The following MASTL variants were observed in gnomAD, a reference collection of about 807,000 sequenced individuals.
MASTL encodes the protein serine/threonine-protein kinase greatwall.
MASTL carries 54 observed loss-of-function variants against 82.5 expected under a neutral mutation model. That is an observed-to-expected ratio of 0.65 (90% CI 0.53 to 0.82). MASTL has a LOEUF of 0.82. MASTL is among the 40% of genes least tolerant of loss of function. The probability of loss-of-function intolerance (pLI) is 0.00; values close to 1 mark genes in which losing one functional copy is unlikely to be tolerated. For missense variants in MASTL, 950 were observed against 1,047.8 expected (o/e 0.91, Z 1.29); for synonymous variants, 323 against 368.9 (o/e 0.88, Z 1.43).
intron 5 of MASTL, 60 bp downstream of exon 5, chr10:27,165,230 TA>T: frequency 7.1e-7 from 1 of 1,411,456 alleles, no homozygotes; most frequent in Non-Finnish European, 1.0e-6. Flanking sequence ...ACTTAAAATT[TA>T]AAATCACCTT....
Position 27,173,169 on chromosome 10 carries a change from G to T in MASTL, c.2176G>T (p.Val726Leu), listed in dbSNP as rs1180268491. 1 of 1,614,210 alleles carries T rather than the reference G, an allele frequency of 6.2e-7. No homozygotes were observed. The highest frequency in any genetic ancestry group is 1.7e-5 in the Admixed American group (1 of 60,022). The change falls in exon 9 of 12, where the codon GTG (valine) becomes TTG (leucine). Residue 726 changes from valine to leucine, a missense_variant. Physicochemically the swap from Val to Leu is conservative, Grantham distance 32 (BLOSUM62 1). Transcript: ENST00000375940. Reference sequence around the variant, plus strand: ...AACTCCATACCGAACTCCGAAGAGTGTGAGAAGAGGGGTGGCCCCCGTTGA... The same window carrying T: ...AACTCCATACCGAACTCCGAAGAGTTTGAGAAGAGGGGTGGCCCCCGTTGA... The part of the protein sequence containing the change: ...SGTPYRTPKS[V>L]RRGVAPVDDG...
rs753184095 is a variant in MASTL at position 27,161,086 on chromosome 10, G to A, written c.465-8G>A. The A allele has an allele frequency of 3.8e-6, 6 of 1,590,410 alleles. No homozygotes were observed. The highest frequency in any genetic ancestry group is 4.3e-6 in the Non-Finnish European group (5 of 1,158,694). ...TGGTTATCTAATATTTGCCTTTTGT[G>A]TGTGCAGGGACTTGAAACCGGACAA... On this transcript the variant is annotated splice_polypyrimidine_tract_variant and splice_region_variant and intron_variant, in intron 3 of 11. Transcript: ENST00000375940.
intron 3 of MASTL, among the ~76,000 whole-genome samples, chr10:27,160,771 A>G (rs571654315): frequency 2.0e-5 from 3 of 152,226 alleles, no homozygotes; most frequent in African/African-American, 7.2e-5. Flanking sequence ...AAGAAAAGAA[A>G]AAAAAGAAAG....
chr10:27,178,888 A>C (rs147054832), intron 9 of MASTL, among the ~76,000 whole-genome samples: 2 of 152,302 alleles, frequency 1.3e-5, no homozygotes, highest in Non-Finnish European at 2.9e-5. Flanking sequence ...AGTATTATAG[A>C]AATAGAAGCC....
rs1466754022 is a variant in MASTL, at chr10:27,173,277, T to G, written c.2266+18T>G. 5.0e-6 allele frequency: 8 copies of G among 1,613,902 alleles called. No homozygotes were observed. Among genetic ancestry groups the G allele is most frequent in the Non-Finnish European group, 6.8e-6 (8 of 1,179,946 alleles). The stretch of plus-strand genomic sequence containing the variant: ...GGCCCATGGTAAGGCATGCATGTCT[T>G]GAGTTTTTGAAGTGTTATCTATCAC... On this transcript the variant is annotated intron_variant, in intron 9 of 11. Transcript: ENST00000375940.
upstream of MASTL, chr10:27,154,976 G>C (rs1053752148): frequency 1.2e-5 from 2 of 173,422 alleles, no homozygotes; most frequent in African/African-American, 4.8e-5. Flanking sequence ...TTAGCTTCCA[G>C]ACCTCAGCCC....
chr10:27,155,262 C>A, upstream of MASTL: 1 of 688,412 alleles, frequency 1.5e-6, no homozygotes, highest in Non-Finnish European at 2.4e-6. Context: ...CCCGACGCCC[C>A]CTCCGTCCGC....
In MASTL at chr10:27,155,365, T is replaced by G; in HGVS notation, c.-62T>G. On this transcript the variant is annotated 5_prime_UTR_variant, in exon 1 of 12. Coordinates refer to ENST00000375940, the MANE Select transcript of MASTL (RefSeq NM_001172303.3). ...GGGCGGAGCCTCACTTTGAACCCAG[T>G]TGGCGGGAGTGGCTGCTCGCGGAGG... 1 of 1,505,506 alleles carries G rather than the reference T, an allele frequency of 6.6e-7. No individual in the cohort carries two copies. The highest frequency in any genetic ancestry group is 9.0e-7 in the Non-Finnish European group (1 of 1,115,818). The allele number at this position is 1,505,506 out of a possible 1,614,324, so 93.3% of individuals were successfully genotyped here.
intron 1 of MASTL, among the ~76,000 whole-genome samples, chr10:27,156,226 G>A (rs2057372297): frequency 6.6e-6 from 1 of 151,936 alleles, no homozygotes; most frequent in Admixed American, 6.6e-5. Flanking sequence ...GGGTTTCACC[G>A]TGTTAGCCAG....
rs2057538613 is a variant in MASTL at position 27,160,622 on chromosome 10, G to A, written c.465-472G>A. On this transcript the variant is annotated intron_variant, in intron 3 of 11. Coordinates refer to ENST00000375940, the MANE Select transcript of MASTL (RefSeq NM_001172303.3). The stretch of plus-strand genomic sequence containing the variant: ...AAAAATTAGCCGAGTGTGGTGGTGG[G>A]TGCCTGTAATCCCAGCTACTCGGGA... 2.0e-5 allele frequency among the ~76,000 whole-genome samples: 3 copies of A among 151,962 alleles called. No homozygotes were observed. The South Asian group carries it at 6.2e-4, about 32-fold the overall frequency.
Position 27,173,240 on chromosome 10 carries a change from G to T in MASTL, c.2247G>T (p.Leu749=). The T allele has an allele frequency of 1.2e-6, 2 of 1,614,136 alleles. No homozygotes were observed. Among genetic ancestry groups the T allele is most frequent in the Non-Finnish European group, 1.7e-6 (2 of 1,180,036 alleles). ...CCCCAGACTACCTTGCACCTGAGCTGTTACTAGGCAGGGCCCATGGTAAGG... is the reference window on the plus strand; with the variant it reads ...CCCCAGACTACCTTGCACCTGAGCTTTTACTAGGCAGGGCCCATGGTAAGG... The part of the protein sequence containing the change: ...LGTPDYLAPE[L]LLGRAHGPAV... Residue 749 remains leucine (L), a synonymous_variant, in exon 9 of 12, where the codon CTG becomes CTT. Transcript: ENST00000375940.
intron 7 of MASTL, among the ~76,000 whole-genome samples, chr10:27,169,599 C>G (rs1268984415): frequency 1.3e-5 from 2 of 151,870 alleles, no homozygotes; most frequent in African/African-American, 4.8e-5. Context: ...ATCCATATAC[C>G]TATTGCAAAA....
Position 27,159,745 on chromosome 10 carries a change from G to T in MASTL, c.451G>T (p.Gly151Ter). 1 of 1,611,894 alleles carries T rather than the reference G, an allele frequency of 6.2e-7. No homozygotes were observed. Among genetic ancestry groups the T allele is most frequent in the Non-Finnish European group, 8.5e-7 (1 of 1,178,496 alleles). The change falls in exon 3 of 12, where the codon GGA (glycine) becomes TGA (stop). Residue 151 changes from glycine (G) to a stop codon, truncating the protein, a stop_gained. Transcript: ENST00000375940. LOFTEE classifies it high-confidence loss of function. This position sits in a 1 kb window ranked among gnomAD's most constrained non-coding sequence, Gnocchi z 4.0. ...GGCTCTAGACTACCTTCACAGACAT[G>T]GAATCATCCACAGGTAAAGACTGAC... Reference protein sequence around the residue: ...ALALDYLHRHGIIHRDLKPDN... With the variant: ...ALALDYLHRH
At chr10:27,176,493 C>T (rs2058104573) in intron 9 of MASTL, among the ~76,000 whole-genome samples, 1 of 152,192 alleles carries the variant, frequency 6.6e-6, no homozygotes, top group Admixed American at 6.5e-5. Context: ...AGCTCTCATA[C>T]CAGCCTTGTC....
At chr10:27,162,844 T>C (rs868223508) in intron 4 of MASTL, among the ~76,000 whole-genome samples, 80 of 152,324 alleles carry the variant, frequency 5.3e-4, no homozygotes, top group African/African-American at 1.9e-3. Context: ...TCAACAGTTA[T>C]GAATACCTAA....
chr10:27,179,925 G>T (rs2058219503), intron 9 of MASTL, among the ~76,000 whole-genome samples: 1 of 152,028 alleles, frequency 6.6e-6, no homozygotes, highest in Non-Finnish European at 1.5e-5. Context: ...TAGGATTTAA[G>T]ATACATAACA....
chr10:27,181,759 C>T (rs771532558), intron 11 of MASTL, among the ~76,000 whole-genome samples, 178 bp downstream of exon 11: 4 of 151,872 alleles, frequency 2.6e-5, no homozygotes, highest in African/African-American at 4.8e-5. Context: ...TCCGATATGG[C>T]GAAAGCCCAT....
Position 27,155,359 on chromosome 10 carries a change from A to G in MASTL, c.-68A>G, listed in dbSNP as rs2057316851. On this transcript the variant is annotated 5_prime_UTR_variant, in exon 1 of 12. Transcript: ENST00000375940. ...CGGCGTGGGCGGAGCCTCACTTTGAACCCAGTTGGCGGGAGTGGCTGCTCG... is the reference window on the plus strand; with the variant it reads ...CGGCGTGGGCGGAGCCTCACTTTGAGCCCAGTTGGCGGGAGTGGCTGCTCG... 3.4e-6 allele frequency: 5 copies of G among 1,483,716 alleles called. No individual in the cohort carries two copies. The highest frequency in any genetic ancestry group is 4.5e-6 in the Non-Finnish European group (5 of 1,100,546). The allele number at this position is 1,483,716 out of a possible 1,614,324, so 91.9% of individuals were successfully genotyped here.
Position 27,155,378 on chromosome 10 carries a change from C to A in MASTL, c.-49C>A. The A allele has an allele frequency of 6.5e-7, 1 of 1,538,134 alleles. No homozygotes were observed. Among genetic ancestry groups the A allele is most frequent in the Non-Finnish European group, 8.8e-7 (1 of 1,138,972 alleles). On this transcript the variant is annotated 5_prime_UTR_variant, in exon 1 of 12. The change creates a new upstream start codon in the 5' untranslated region. Transcript: ENST00000375940. The stretch of plus-strand genomic sequence containing the variant: ...CTTTGAACCCAGTTGGCGGGAGTGG[C>A]TGCTCGCGGAGGGGCAGTGTCTGCG...
Sources: gnomAD v4.1 joint callset for allele counts (sites outside exome capture counted in the v4.1 genomes callset) on GRCh38, gnomAD v4.1.1 for gene constraint, Gnocchi (gnomAD v3.1) non-coding constraint, MANE v1.5 for transcripts, NCBI Gene and HGNC (gene_info 2026-07-23, HGNC 2026-07-21) for gene names.